Variants in BCAP29 observed in about 807,000 individuals in gnomAD.
BCAP29 encodes the protein B-cell receptor-associated protein 29.
Under a neutral mutation model 31.8 loss-of-function variants are expected in BCAP29, and 34 were observed. That is an observed-to-expected ratio of 1.07 (90% confidence interval 0.81 to 1.42). The LOEUF is 1.42. Among genes scored for constraint, BCAP29 ranks in the 40% most tolerant of loss-of-function variants. The pLI, the probability that BCAP29 is intolerant of heterozygous loss-of-function variation, is 0.00. For missense variants in BCAP29, 314 were observed against 269.2 expected (o/e 1.17, Z -1.16); for synonymous variants, 104 against 91.3 (o/e 1.14, Z -0.79).
downstream of BCAP29, chr7:107,620,616 T>A (rs1008905314): frequency 6.6e-6 from 1 of 152,202 alleles, no homozygotes; most frequent in African/African-American, 2.4e-5. Context: ...TTTATTAGAC[T>A]TTCCCCCTAC....
At chr7:107,615,240 C>T (rs1813899852) in intron 7 of BCAP29, 1 of 456,586 alleles carries the variant, frequency 2.2e-6, no homozygotes, top group Non-Finnish European at 4.4e-6. Flanking sequence ...CATTTCCTCC[C>T]CACAGAAAAG....
At chr7:107,621,410 C>T (rs1814960680), downstream of BCAP29, 1 of 205,538 alleles carries the variant, frequency 4.9e-6, no homozygotes, top group Non-Finnish European at 9.9e-6. Flanking sequence ...TCTACACAAA[C>T]ACAACTTTAT....
chr7:107,602,101 A>G (rs1378446206), intron 6 of BCAP29, among the ~76,000 whole-genome samples: 1 of 152,212 alleles, frequency 6.6e-6, no homozygotes, highest in Non-Finnish European at 1.5e-5. Context: ...TTACAATCTG[A>G]TAACAACTGA....
intron 5 of BCAP29, chr7:107,600,136 A>C: frequency 1.4e-5 from 6 of 443,128 alleles, no homozygotes; most frequent in South Asian, 1.3e-4. Context: ...ACTTTTGAGA[A>C]TATTATTTTA....
intron 5 of BCAP29, among the ~76,000 whole-genome samples, chr7:107,599,088 A>G (rs1451569084): frequency 1.5e-5 from 2 of 135,198 alleles, no homozygotes; most frequent in Non-Finnish European, 3.1e-5. Context: ...TTAAAAATTT[A>G]TATGTATATA....
intron 4 of BCAP29, 47 bp downstream of exon 4, chr7:107,594,152 T>C (rs1323916941): frequency 3.3e-6 from 5 of 1,512,542 alleles, no homozygotes; most frequent in African/African-American, 2.8e-5. Context: ...ACATGACTTA[T>C]GCTTTCCTTT....
chr7:107,585,982 A>G (rs1214114272), intron 3 of BCAP29, among the ~76,000 whole-genome samples: 2 of 151,692 alleles, frequency 1.3e-5, no homozygotes, highest in Non-Finnish European at 2.9e-5. Flanking sequence ...CAAGAGTGAA[A>G]CTCCGTCTCA....
intron 6 of BCAP29, among the ~76,000 whole-genome samples, chr7:107,607,956 CT>C (rs1812420407): frequency 6.6e-6 from 1 of 152,028 alleles, no homozygotes. Context: ...ATGTTTTCTA[CT>C]TTTGTATAGG....
intron 2 of BCAP29, among the ~76,000 whole-genome samples, chr7:107,582,322 A>G (rs1047212217): frequency 1.3e-5 from 2 of 152,188 alleles, no homozygotes; most frequent in Non-Finnish European, 2.9e-5. Flanking sequence ...TTTGCATATG[A>G]TATATAAATG....
chr7:107,594,146 G>T, intron 4 of BCAP29, 41 bp downstream of exon 4: 2 of 1,521,882 alleles, frequency 1.3e-6, no homozygotes, highest in African/African-American at 1.4e-5. Flanking sequence ...TTAAAAACAT[G>T]ACTTATGCTT....
At chr7:107,594,415 T>C (rs1809430766) in intron 4 of BCAP29, among the ~76,000 whole-genome samples, 1 of 152,096 alleles carries the variant, frequency 6.6e-6, no homozygotes, top group Non-Finnish European at 1.5e-5. Flanking sequence ...CTCAAACTCC[T>C]GGCCTCAAGT....
At chr7:107,581,612 A>G (rs1563123229) in intron 2 of BCAP29, among the ~76,000 whole-genome samples, 1 of 152,218 alleles carries the variant, frequency 6.6e-6, no homozygotes, top group African/African-American at 2.4e-5. Context: ...ATATTGCAAG[A>G]TATTTGTTCA....
At chr7:107,584,174 C>T (rs1807204676) in intron 3 of BCAP29, among the ~76,000 whole-genome samples, 192 bp downstream of exon 3, 2 of 152,154 alleles carry the variant, frequency 1.3e-5, no homozygotes. Context: ...GCTTAAGTTT[C>T]AACAGGGCAC....
chr7:107,608,571 A>G (rs1265565356), intron 6 of BCAP29, among the ~76,000 whole-genome samples: 1 of 151,910 alleles, frequency 6.6e-6, no homozygotes. Flanking sequence ...CATTCTTAGA[A>G]TCAATGTTTA....
At chr7:107,596,442 T>A (rs1809827148) in intron 5 of BCAP29, among the ~76,000 whole-genome samples, 1 of 152,220 alleles carries the variant, frequency 6.6e-6, no homozygotes, top group Non-Finnish European at 1.5e-5. Context: ...AGAAACGTCA[T>A]TGATGCTAGA....
In BCAP29 at chr7:107,594,031, T is replaced by C; in HGVS notation, c.270T>C (p.Tyr90=). 1 of 1,613,924 alleles carries C rather than the reference T, an allele frequency of 6.2e-7. No homozygotes were observed. The highest frequency in any genetic ancestry group is 8.5e-7 in the Non-Finnish European group (1 of 1,179,772). ...EKSSTSRPDA[Y]EHTQMKLFRS... Reference sequence around the variant, plus strand: ...GCTCCACCAGCAGACCTGATGCCTATGAACACACACAGATGAAACTTTTTA... The same window carrying C: ...GCTCCACCAGCAGACCTGATGCCTACGAACACACACAGATGAAACTTTTTA... The change falls in exon 4 of 8, where the codon TAT becomes TAC. Residue 90 remains tyrosine, a synonymous_variant. Coordinates refer to ENST00000005259, the MANE Select transcript of BCAP29 (RefSeq NM_018844.4).
chr7:107,612,394 T>C (rs1563141202), intron 6 of BCAP29, among the ~76,000 whole-genome samples: 2 of 9,302 alleles, frequency 2.2e-4, no homozygotes, highest in African/African-American at 7.3e-4. Flanking sequence ...TATTGTTTTA[T>C]ATATATATAT....
chr7:107,596,846 G>T (rs1809915469), intron 5 of BCAP29, among the ~76,000 whole-genome samples: 2 of 152,038 alleles, frequency 1.3e-5, no homozygotes, highest in Non-Finnish European at 2.9e-5. Flanking sequence ...TTTTCTCTTG[G>T]AATTGTTTTC....
intron 2 of BCAP29, 25 bp downstream of exon 2, chr7:107,580,889 T>A: frequency 6.7e-7 from 1 of 1,495,424 alleles, no homozygotes; most frequent in Non-Finnish European, 9.1e-7. Flanking sequence ...AATCGTTAAC[T>A]AATAAATATT....
Sources: gnomAD v4.1 joint callset for allele counts (sites outside exome capture counted in the v4.1 genomes callset) on GRCh38, gnomAD v4.1.1 for gene constraint, MANE v1.5 for transcripts, NCBI Gene and HGNC (gene_info 2026-07-23, HGNC 2026-07-21) for gene names.